The following RSRC1 variants were observed in gnomAD, a reference collection of about 807,000 sequenced individuals.
RSRC1 encodes arginine and serine rich coiled-coil 1.
RSRC1 carries 39 observed loss-of-function variants against 49.1 expected under a neutral mutation model. The observed-to-expected ratio is 0.79, with a 90% CI of 0.61 to 1.04. RSRC1 has a LOEUF of 1.04. Ranked by LOEUF, RSRC1 falls within the 50% of genes least tolerant of loss-of-function variation. The probability of loss-of-function intolerance (pLI) is 0.00; values close to 1 mark genes in which losing one functional copy is unlikely to be tolerated. For missense variants in RSRC1, 388 were observed against 402.4 expected (o/e 0.96, Z 0.31); for synonymous variants, 143 against 130.8 (o/e 1.09, Z -0.63).
intron 3 of RSRC1, among the ~76,000 whole-genome samples, chr3:158,193,302 A>C (rs761308569): frequency 1.3e-5 from 2 of 152,142 alleles, no homozygotes; most frequent in Non-Finnish European, 2.9e-5. Context: ...CAATAAAAAC[A>C]TGATTTTACC....
chr3:158,443,805 A>C (rs756423149), intron 6 of RSRC1, among the ~76,000 whole-genome samples: 1 of 152,094 alleles, frequency 6.6e-6, no homozygotes, highest in Non-Finnish European at 1.5e-5. Context: ...GGCTTTTCAT[A>C]TGAAGTGAGA....
At chr3:158,247,670 T>A (rs1723980400) in intron 4 of RSRC1, among the ~76,000 whole-genome samples, 2 of 152,166 alleles carry the variant, frequency 1.3e-5, no homozygotes, top group Non-Finnish European at 2.9e-5. Context: ...CTGCAGGGGA[T>A]CTGTTTCAGA....
intron 7 of RSRC1, among the ~76,000 whole-genome samples, chr3:158,461,648 T>C (rs951700168): frequency 5.9e-5 from 9 of 151,840 alleles, no homozygotes; most frequent in African/African-American, 2.2e-4. Flanking sequence ...TAAATTACAG[T>C]GCTTAAAGCA....
intron 7 of RSRC1, among the ~76,000 whole-genome samples, chr3:158,491,539 A>G (rs1458032414): frequency 6.6e-6 from 1 of 152,192 alleles, no homozygotes; most frequent in Non-Finnish European, 1.5e-5. Context: ...GGCTTTCGGT[A>G]TAATTGGCTT....
chr3:158,532,412 G>T (rs1234376930), intron 7 of RSRC1, among the ~76,000 whole-genome samples: 1 of 151,822 alleles, frequency 6.6e-6, no homozygotes. Flanking sequence ...ATGAAAGATT[G>T]ATATGGACCT....
At chr3:158,195,831 G>T (rs1251656299) in intron 3 of RSRC1, among the ~76,000 whole-genome samples, 2 of 151,988 alleles carry the variant, frequency 1.3e-5, no homozygotes, top group Non-Finnish European at 2.9e-5. Flanking sequence ...TATTTCTGAG[G>T]GCTCTGTTCT....
chr3:158,337,681 A>T (rs1361752514), intron 5 of RSRC1, among the ~76,000 whole-genome samples: 1 of 152,134 alleles, frequency 6.6e-6, no homozygotes. Flanking sequence ...CCTAAACAAG[A>T]TACCTCCATT....
intron 6 of RSRC1, among the ~76,000 whole-genome samples, chr3:158,426,176 T>C (rs921968223): frequency 6.6e-6 from 1 of 151,736 alleles, no homozygotes. Flanking sequence ...TAGGGAAGGA[T>C]TTCTTAAACA....
intron 6 of RSRC1, among the ~76,000 whole-genome samples, chr3:158,416,789 T>C (rs1734758466): frequency 6.6e-6 from 1 of 152,092 alleles, no homozygotes; most frequent in Non-Finnish European, 1.5e-5. Flanking sequence ...TACTTCTTTT[T>C]TTTCTTCATA....
intron 6 of RSRC1, among the ~76,000 whole-genome samples, chr3:158,442,251 A>G (rs1191036634): frequency 1.3e-5 from 2 of 152,024 alleles, no homozygotes; most frequent in Non-Finnish European, 2.9e-5. Flanking sequence ...TTCATAAAAT[A>G]TTTCTCTGTA....
In RSRC1 at chr3:158,502,561, C is replaced by G. The variant is rs1739653951; in HGVS notation, c.653-34531C>G. On this transcript the variant is annotated intron_variant, in intron 7 of 9. Transcript: ENST00000611884. ...CTTCTTGGAGGCTTTGTTCTTTTTT[C>G]TTATTCTTTTTTCATTGTCTTTGTT... Among the ~76,000 whole-genome samples the G allele has an allele frequency of 2.0e-5, 3 of 151,906 alleles. No homozygotes were observed. The South Asian group carries it at 6.2e-4, about 32-fold the overall frequency.
chr3:158,410,495 A>G (rs939199263), intron 6 of RSRC1, among the ~76,000 whole-genome samples: 10 of 152,138 alleles, frequency 6.6e-5, no homozygotes, highest in African/African-American at 2.2e-4. Context: ...GATTTTCATG[A>G]TTGTCTGATG....
intron 6 of RSRC1, among the ~76,000 whole-genome samples, chr3:158,364,851 T>TAATAA (rs1731673595): frequency 9.4e-6 from 1 of 105,838 alleles, no homozygotes; most frequent in Non-Finnish European, 2.3e-5. Context: ...AATAATAATA[T>TAATAA]GTACCTTGTA....
intron 5 of RSRC1, among the ~76,000 whole-genome samples, chr3:158,305,461 C>T (rs1408373498): frequency 6.6e-6 from 1 of 152,066 alleles, no homozygotes; most frequent in East Asian, 1.9e-4. Flanking sequence ...GAAACTACTG[C>T]AATAACTGAA....
intron 6 of RSRC1, among the ~76,000 whole-genome samples, chr3:158,415,648 A>T (rs914559971): frequency 2.6e-5 from 4 of 152,090 alleles, no homozygotes; most frequent in Non-Finnish European, 5.9e-5. Flanking sequence ...CTTATTAATT[A>T]ATAGTGCTAT....
intron 7 of RSRC1, among the ~76,000 whole-genome samples, chr3:158,464,467 A>C (rs192900227): frequency 1.8e-3 from 281 of 152,162 alleles, no homozygotes; most frequent in African/African-American, 5.7e-3. Flanking sequence ...TTTGTTTCCA[A>C]AAGTGTTAGG....
At chr3:158,267,150 C>T (rs1366391591) in intron 4 of RSRC1, among the ~76,000 whole-genome samples, 1 of 152,154 alleles carries the variant, frequency 6.6e-6, no homozygotes, top group Admixed American at 6.5e-5. Flanking sequence ...CTTTCCTCAT[C>T]ACTTTGTATT....
intron 4 of RSRC1, among the ~76,000 whole-genome samples, chr3:158,267,656 C>T (rs528195492): frequency 1.3e-5 from 2 of 151,018 alleles, no homozygotes; most frequent in Admixed American, 6.6e-5. Flanking sequence ...TTAAATTTTG[C>T]TTTTACCTTT....
At chr3:158,361,774 G>C (rs865778892) in intron 6 of RSRC1, among the ~76,000 whole-genome samples, 2 of 152,088 alleles carry the variant, frequency 1.3e-5, no homozygotes. Context: ...TACCTGGGAA[G>C]CTTTGCACAT....
Sources: gnomAD v4.1 joint callset for allele counts (sites outside exome capture counted in the v4.1 genomes callset) on GRCh38, gnomAD v4.1.1 for gene constraint, MANE v1.5 for transcripts, NCBI Gene and HGNC (gene_info 2026-07-23, HGNC 2026-07-21) for gene names.